The following PRKN variants were observed in gnomAD, a reference collection of about 807,000 sequenced individuals.
PRKN encodes parkin RBR E3 ubiquitin protein ligase.
In PRKN, 56 loss-of-function variants were observed where a neutral mutation model predicts 59.5. That is an observed-to-expected ratio of 0.94 (90% confidence interval 0.76 to 1.18). The LOEUF is 1.18. Ranked by LOEUF, PRKN falls within the 50% of genes most tolerant of loss-of-function variation. PRKN has a pLI of 0.00. For missense variants in PRKN, 657 were observed against 596.4 expected (o/e 1.10, Z -1.06); for synonymous variants, 250 against 222.1 (o/e 1.13, Z -1.12).
intron 4 of PRKN, among the ~76,000 whole-genome samples, chr6:162,110,335 G>A (rs1485765251): frequency 6.6e-6 from 1 of 152,136 alleles, no homozygotes; most frequent in Non-Finnish European, 1.5e-5. Flanking sequence ...CAACGTTTAT[G>A]TCTAAATGTA....
At chr6:162,168,890 A>C (rs1490600599) in intron 4 of PRKN, among the ~76,000 whole-genome samples, 4 of 152,190 alleles carry the variant, frequency 2.6e-5, no homozygotes, top group Non-Finnish European at 5.9e-5. Context: ...GTACACCCAC[A>C]GACATGCTAT....
chr6:161,887,142 G>A (rs1795184563), intron 6 of PRKN, among the ~76,000 whole-genome samples: 1 of 152,168 alleles, frequency 6.6e-6, no homozygotes, highest in Non-Finnish European at 1.5e-5. Flanking sequence ...AAGAGATGTG[G>A]TCTCAACATA....
chr6:161,381,802 C>A (rs1165891237), intron 10 of PRKN, among the ~76,000 whole-genome samples: 1 of 152,132 alleles, frequency 6.6e-6, no homozygotes, highest in Non-Finnish European at 1.5e-5. Flanking sequence ...CAGGCACAAA[C>A]CCTCCACTAA....
chr6:162,387,120 T>C (rs774438474), intron 2 of PRKN, among the ~76,000 whole-genome samples: 12 of 151,566 alleles, frequency 7.9e-5, no homozygotes, highest in Non-Finnish European at 1.6e-4. Context: ...CTACAAAATA[T>C]GCTAATAGAA....
At chr6:162,400,147 C>T (rs375909759) in intron 2 of PRKN, among the ~76,000 whole-genome samples, 1 of 151,644 alleles carries the variant, frequency 6.6e-6, no homozygotes, top group East Asian at 1.9e-4. Flanking sequence ...GTGGAAGTTG[C>T]AGTGACCTGA....
chr6:161,748,486 T>C (rs1185470485), intron 7 of PRKN, among the ~76,000 whole-genome samples: 1 of 152,104 alleles, frequency 6.6e-6, no homozygotes, highest in African/African-American at 2.4e-5. Flanking sequence ...ACCCGCGCTT[T>C]GATTTTGGCT....
chr6:162,580,938 A>G (rs982448196), intron 1 of PRKN, among the ~76,000 whole-genome samples: 1 of 152,190 alleles, frequency 6.6e-6, no homozygotes, highest in African/African-American at 2.4e-5. Context: ...ATGTACTAAA[A>G]ATACAATGGA....
At chr6:162,414,318 G>A (rs1231413395) in intron 2 of PRKN, among the ~76,000 whole-genome samples, 1 of 152,064 alleles carries the variant, frequency 6.6e-6, no homozygotes, top group Non-Finnish European at 1.5e-5. Flanking sequence ...TTTATCTTAA[G>A]CTAATCTCTG....
chr6:162,358,640 A>G (rs926147712), intron 2 of PRKN, among the ~76,000 whole-genome samples: 4 of 152,188 alleles, frequency 2.6e-5, no homozygotes, highest in Non-Finnish European at 5.9e-5. Flanking sequence ...ATTAAAGATC[A>G]TTAAAAACTC....
Position 161,444,767 on chromosome 6 carries a change from C to T in PRKN, c.1084-57890G>A, listed in dbSNP as rs11963309. ...GAAACGGCACTCTTGACATGCTGTA[C>T]GGACAGAATCTTTACATGTCGTTTA... On this transcript the variant is annotated intron_variant, in intron 9 of 11. Coordinates refer to ENST00000366898, the MANE Select transcript of PRKN (RefSeq NM_004562.3). The surrounding 1 kb of genome is among the most constrained non-coding windows in gnomAD (Gnocchi z 5.6). 0.039 allele frequency among the ~76,000 whole-genome samples: 5,943 copies of T among 152,296 alleles called. 385 individuals are homozygous for T. The highest frequency in any genetic ancestry group is 0.13 in the African/African-American group (5,600 of 41,556).
intron 7 of PRKN, among the ~76,000 whole-genome samples, chr6:161,768,723 T>C (rs1789535319): frequency 6.6e-6 from 1 of 152,194 alleles, no homozygotes; most frequent in Non-Finnish European, 1.5e-5. Context: ...TACATATCTG[T>C]TTAATATCAT....
chr6:161,702,546 G>A (rs901331379), intron 7 of PRKN, among the ~76,000 whole-genome samples: 117 of 152,184 alleles, frequency 7.7e-4, no homozygotes, highest in African/African-American at 2.7e-3. Context: ...GGGGGGAGGG[G>A]GAGGAGAGGG....
chr6:161,988,661 A>G (rs950777657), intron 5 of PRKN, among the ~76,000 whole-genome samples: 1 of 152,194 alleles, frequency 6.6e-6, no homozygotes, highest in African/African-American at 2.4e-5. Flanking sequence ...AAACCTATTA[A>G]TAAAATGGAA....
chr6:161,562,548 C>T lies in PRKN; in HGVS notation c.933+6807G>A, dbSNP rs1780496107. The stretch of plus-strand genomic sequence containing the variant: ...TCCAAAGTTATCTCTCCATCTCGGA[C>T]CTCAGGTCTCACTGTCCTCCAAGCT... On this transcript the variant is annotated intron_variant, in intron 8 of 11. Coordinates refer to ENST00000366898, the MANE Select transcript of PRKN (RefSeq NM_004562.3). This position sits in a 1 kb window ranked among gnomAD's most constrained non-coding sequence, Gnocchi z 4.3. Among the ~76,000 whole-genome samples, 1 of 152,170 alleles carries T rather than the reference C, an allele frequency of 6.6e-6. No individual in the cohort carries two copies. Among genetic ancestry groups the T allele is most frequent in the Admixed American group, 6.5e-5 (1 of 15,276 alleles).
chr6:161,750,340 T>C (rs915770142), intron 7 of PRKN, among the ~76,000 whole-genome samples: 1 of 152,188 alleles, frequency 6.6e-6, no homozygotes, highest in Non-Finnish European at 1.5e-5. Context: ...CTGCTGGAAC[T>C]TCTAATTGAC....
chr6:161,999,924 A>G (rs1781988265), intron 5 of PRKN, among the ~76,000 whole-genome samples: 1 of 152,138 alleles, frequency 6.6e-6, no homozygotes, highest in Admixed American at 6.6e-5. Flanking sequence ...TTTCAAAGAA[A>G]TACTAATAGT....
Position 161,868,532 on chromosome 6 carries a change from G to C in PRKN, c.735-82624C>G, listed in dbSNP as rs151106690. Among the ~76,000 whole-genome samples, 21 of 152,210 alleles carry C rather than the reference G, an allele frequency of 1.4e-4. No homozygotes were observed. The East Asian group carries it at 3.9e-3, about 28-fold the overall frequency. ...GGAGGCAGAGGTTGCAGTGAGCTGA[G>C]ATCACACCACTGCACTCCAACCTAG... is the stretch of plus-strand genomic sequence containing the variant. On this transcript the variant is annotated intron_variant, in intron 6 of 11. Coordinates refer to ENST00000366898, the MANE Select transcript of PRKN (RefSeq NM_004562.3).
chr6:161,593,797 G>A lies in PRKN; in HGVS notation c.872-24381C>T, dbSNP rs117190549. Among the ~76,000 whole-genome samples, 38 of 152,262 alleles carry A rather than the reference G, an allele frequency of 2.5e-4. No individual in the cohort carries two copies. The highest frequency in any genetic ancestry group is 4.3e-4 in the Non-Finnish European group (29 of 68,018). Reference sequence around the variant, plus strand: ...CAAGAGAAGAAGGTGAGTGTTTGGAGAGTAGAGAGTGACACACCAAGTCAT... The same window carrying A: ...CAAGAGAAGAAGGTGAGTGTTTGGAAAGTAGAGAGTGACACACCAAGTCAT... On this transcript the variant is annotated intron_variant, in intron 7 of 11. Transcript: ENST00000366898. This position sits in a 1 kb window ranked among gnomAD's most constrained non-coding sequence, Gnocchi z 4.8.
chr6:162,173,590 C>T (rs187472195), intron 4 of PRKN, among the ~76,000 whole-genome samples: 10 of 151,118 alleles, frequency 6.6e-5, no homozygotes, highest in Admixed American at 2.0e-4. Context: ...TTTGTCATGG[C>T]CTCAGGGAGA....
Sources: gnomAD v4.1 joint callset for allele counts (sites outside exome capture counted in the v4.1 genomes callset) on GRCh38, gnomAD v4.1.1 for gene constraint, Gnocchi (gnomAD v3.1) non-coding constraint, MANE v1.5 for transcripts, NCBI Gene and HGNC (gene_info 2026-07-23, HGNC 2026-07-21) for gene names.